ESRP1: variants seen among roughly 807,000 people sequenced by gnomAD.
The protein encoded by ESRP1 is epithelial splicing regulatory protein 1, also known as RNA-binding motif protein 35A.
A neutral mutation model predicts 81.7 loss-of-function variants in ESRP1; 33 were observed. The ratio of observed to expected loss-of-function variants is 0.40; its 90% CI spans 0.31 to 0.54. ESRP1 has a LOEUF of 0.54. ESRP1 is among the 20% of genes least tolerant of loss of function. ESRP1 has a pLI of 0.41. For synonymous variants in ESRP1, 320 were observed against 303.3 expected (o/e 1.06, Z -0.57); for missense variants, 672 against 833.1 (o/e 0.81, Z 2.38).
chr8:94,668,447 A>G, intron 10 of ESRP1, 197 bp downstream of exon 10: 3 of 432,256 alleles, frequency 6.9e-6, no homozygotes, highest in Non-Finnish European at 1.2e-5. Context: ...CATACTACGT[A>G]TTTTTACAGA....
At chr8:94,690,299 T>TG (rs1809345121) in intron 13 of ESRP1, among the ~76,000 whole-genome samples, 4 of 113,592 alleles carry the variant, frequency 3.5e-5, no homozygotes, top group East Asian at 2.6e-4. Context: ...TTTTTTTTTT[T>TG]TTTTTGGATT....
chr8:94,678,334 A>G lies in ESRP1; in HGVS notation c.1783A>G (p.Thr595Ala), dbSNP rs1247508707. 1.2e-6 allele frequency: 2 copies of G among 1,613,946 alleles called. No individual in the cohort carries two copies. Among genetic ancestry groups the G allele is most frequent in the Admixed American group, 1.7e-5 (1 of 60,008 alleles). ...QPSTAYYPAG[T>A]QLFMNYTAYY... ...CTCCACAGCGTACTACCCAGCAGGCACTCAGCTCTTCATGAATTACACAGC... is the reference window on the plus strand; with the variant it reads ...CTCCACAGCGTACTACCCAGCAGGCGCTCAGCTCTTCATGAATTACACAGC... Residue 595 changes from threonine to alanine, a missense_variant, in exon 13 of 16, where the codon ACT becomes GCT. Thr to Ala is a moderately conservative substitution (Grantham distance 58). Transcript: ENST00000433389.
rs1817574456 is a variant in ESRP1, at chr8:94,641,310, C to T, written c.-9C>T. On this transcript the variant is annotated 5_prime_UTR_variant, in exon 1 of 16. Coordinates refer to ENST00000433389, the MANE Select transcript of ESRP1 (RefSeq NM_017697.4). Reference sequence around the variant, plus strand: ...CCGACCCCCCCTCTCCCCCTCCCCACCTATCGTCATGACGGCCTCTCCGGA... The same window carrying T: ...CCGACCCCCCCTCTCCCCCTCCCCATCTATCGTCATGACGGCCTCTCCGGA... 5.0e-6 allele frequency: 8 copies of T among 1,612,496 alleles called. No homozygotes were observed. The highest frequency in any genetic ancestry group is 6.8e-6 in the Non-Finnish European group (8 of 1,179,424).
chr8:94,646,136 T>C, intron 3 of ESRP1, 32 bp from the exon 4 acceptor site: 1 of 1,257,642 alleles, frequency 8.0e-7, no homozygotes, highest in Admixed American at 2.0e-5. Context: ...CAAATTCACC[T>C]AGTTAACATT....
intron 13 of ESRP1, among the ~76,000 whole-genome samples, chr8:94,683,346 A>G (rs1274743040): frequency 6.6e-6 from 1 of 152,196 alleles, no homozygotes; most frequent in Admixed American, 6.5e-5. Flanking sequence ...TAGTTGAACC[A>G]GAAGAATACC....
intron 1 of ESRP1, chr8:94,641,666 G>C (rs1169835046): frequency 1.3e-6 from 1 of 759,288 alleles, no homozygotes; most frequent in East Asian, 2.8e-5. Flanking sequence ...CTCAGGTGGA[G>C]AGGCCGGCGC....
chr8:94,643,110 AT>A (rs1376407513), intron 2 of ESRP1, among the ~76,000 whole-genome samples, 192 bp from the exon 3 acceptor site: 4 of 152,206 alleles, frequency 2.6e-5, no homozygotes, highest in Non-Finnish European at 5.9e-5. Flanking sequence ...CTGCGGATTG[AT>A]TGGAAAGCTT....
chr8:94,676,053 C>T (rs1459324799), intron 12 of ESRP1, among the ~76,000 whole-genome samples: 2 of 152,126 alleles, frequency 1.3e-5, no homozygotes, highest in Admixed American at 1.3e-4. Context: ...GTAGTCAGTG[C>T]ATATACACTA....
chr8:94,661,232 G>A (rs989554026), intron 4 of ESRP1, among the ~76,000 whole-genome samples: 2 of 152,016 alleles, frequency 1.3e-5, no homozygotes, highest in African/African-American at 4.8e-5. Flanking sequence ...GTAGAGATGG[G>A]GTTTCACCAT....
At chr8:94,651,498 G>T (rs573579810) in intron 4 of ESRP1, among the ~76,000 whole-genome samples, 1 of 152,256 alleles carries the variant, frequency 6.6e-6, no homozygotes, top group South Asian at 2.1e-4. Flanking sequence ...TTTCCTGGGA[G>T]TTACTTGTGT....
At chr8:94,669,637 G>A (rs756764202) in intron 10 of ESRP1, among the ~76,000 whole-genome samples, 39 of 152,140 alleles carry the variant, frequency 2.6e-4, no homozygotes, top group Non-Finnish European at 4.9e-4. Flanking sequence ...AGTCCAAGGC[G>A]AGCGGATTGC....
intron 11 of ESRP1, among the ~76,000 whole-genome samples, chr8:94,672,309 A>T (rs867709028): frequency 6.6e-6 from 1 of 152,190 alleles, no homozygotes; most frequent in African/African-American, 2.4e-5. Context: ...TGTGGATCAT[A>T]ACAGGCTCTC....
At chr8:94,652,232 CCCT>C (rs1447067988) in intron 4 of ESRP1, among the ~76,000 whole-genome samples, 1 of 151,956 alleles carries the variant, frequency 6.6e-6, no homozygotes, top group African/African-American at 2.4e-5. Context: ...AGGTGATCTG[CCCT>C]CCTCGGCTTC....
rs7010790 is a variant in ESRP1, at chr8:94,672,771, G to A, written c.1452+1100G>A. 1.9e-3 allele frequency among the ~76,000 whole-genome samples: 293 copies of A among 152,352 alleles called. 1 individual carries two copies. Among genetic ancestry groups the A allele is most frequent in the African/African-American group, 6.9e-3 (287 of 41,582 alleles). On this transcript the variant is annotated intron_variant, in intron 11 of 15. Transcript: ENST00000433389. Reference sequence around the variant, plus strand: ...TGGTCTCAAACTCCTGACCTCGGGCGATCTACCCGCCTTGGCCTCCCAAAG... The same window carrying A: ...TGGTCTCAAACTCCTGACCTCGGGCAATCTACCCGCCTTGGCCTCCCAAAG...
In ESRP1 at chr8:94,648,543, C is replaced by T. The variant is rs184958908; in HGVS notation, c.490+2261C>T. ...TCTACAATGTCTGAATTGAATTGTT[C>T]CGTTCTTTCAGAGCATTAAACATTT... is the stretch of plus-strand genomic sequence containing the variant. On this transcript the variant is annotated intron_variant, in intron 4 of 15. Coordinates refer to ENST00000433389, the MANE Select transcript of ESRP1 (RefSeq NM_017697.4). Among the ~76,000 whole-genome samples the T allele has an allele frequency of 2.2e-3, 341 of 152,348 alleles. 1 individual carries two copies. Among genetic ancestry groups the T allele is most frequent in the Admixed American group, 3.6e-3 (55 of 15,306 alleles).
At chr8:94,694,530 G>C (rs766535223) in intron 14 of ESRP1, among the ~76,000 whole-genome samples, 9 of 152,200 alleles carry the variant, frequency 5.9e-5, no homozygotes, top group African/African-American at 2.2e-4. Flanking sequence ...CTTCAACCCA[G>C]GAGGCTGAGG....
chr8:94,657,717 A>G (rs910403293), intron 4 of ESRP1, among the ~76,000 whole-genome samples: 2 of 152,198 alleles, frequency 1.3e-5, no homozygotes, highest in African/African-American at 2.4e-5. Context: ...TTCTTCAGCT[A>G]CAAGTCTATT....
At chr8:94,698,282 T>C (rs779330290) in intron 15 of ESRP1, among the ~76,000 whole-genome samples, 8 of 152,228 alleles carry the variant, frequency 5.3e-5, no homozygotes, top group Non-Finnish European at 8.8e-5. Flanking sequence ...CCCCAGCCTA[T>C]GGTAACTACC....
intron 15 of ESRP1, among the ~76,000 whole-genome samples, chr8:94,698,239 T>G (rs1172839131): frequency 2.0e-5 from 3 of 152,336 alleles, no homozygotes; most frequent in South Asian, 2.1e-4. Flanking sequence ...ACATTCTGTA[T>G]ACATGAAACA....
Sources: gnomAD v4.1 joint callset for allele counts (sites outside exome capture counted in the v4.1 genomes callset) on GRCh38, gnomAD v4.1.1 for gene constraint, MANE v1.5 for transcripts, NCBI Gene and HGNC (gene_info 2026-07-23, HGNC 2026-07-21) for gene names.